DNAH14: variants seen among roughly 807,000 people sequenced by gnomAD.
DNAH14 encodes the protein dynein axonemal heavy chain 14, also known as axonemal beta dynein heavy chain 14.
In DNAH14, 478 loss-of-function variants were observed where a neutral mutation model predicts 520.9. The observed-to-expected ratio is 0.92, with a 90% confidence interval of 0.85 to 0.99. DNAH14 has a LOEUF of 0.99. DNAH14 is among the 50% of genes least tolerant of loss of function. The probability of loss-of-function intolerance (pLI) is 0.00; values close to 1 mark genes in which losing one functional copy is unlikely to be tolerated. For missense variants in DNAH14, 4,831 were observed against 5,234.5 expected (o/e 0.92, Z 2.38); for synonymous variants, 1,581 against 1,757.2 (o/e 0.90, Z 2.51).
intron 19 of DNAH14, 46 bp from the exon 20 acceptor site, chr1:225,082,503 A>T (rs1302797535): frequency 7.4e-7 from 1 of 1,345,830 alleles, no homozygotes; most frequent in Admixed American, 3.3e-5. Flanking sequence ...TGGTTAAAAA[A>T]TATAATGAAC....
At position 225,374,261 on chromosome 1, in the gene DNAH14, TATA is replaced by T. The variant is rs1484655685; in HGVS notation, c.12319-426_12319-424del. Among the ~76,000 whole-genome samples, 143 of 109,428 alleles carry T rather than the reference TATA, an allele frequency of 1.3e-3. 4 individuals carry two copies. The highest frequency in any genetic ancestry group is 5.5e-3 in the South Asian group (17 of 3,116). The allele number at this position is 109,428 out of a possible 152,430, so 71.8% of individuals were successfully genotyped here. A position where few individuals can be genotyped will look rare whatever the true frequency, so the allele number is the denominator to read the frequency against. On this transcript the variant is annotated intron_variant, in intron 77 of 85. Transcript: ENST00000682510. ...ATATATATTTGTCTATATATATATA[TATA>T]TATATATTTTTTTTTGAGATAGAGT...
At chr1:224,962,523 A>T (rs1426785975) in intron 4 of DNAH14, among the ~76,000 whole-genome samples, 2 of 152,144 alleles carry the variant, frequency 1.3e-5, no homozygotes, top group Admixed American at 1.3e-4. Context: ...GACCTCAGTC[A>T]TACAGCCATA....
intron 10 of DNAH14, among the ~76,000 whole-genome samples, chr1:225,007,996 A>C (rs1319351644): frequency 2.0e-5 from 3 of 151,020 alleles, no homozygotes; most frequent in Admixed American, 2.0e-4. Flanking sequence ...ACATGGGTAT[A>C]CATGTGCTAT....
At chr1:225,175,868 C>G (rs1187298799) in intron 36 of DNAH14, among the ~76,000 whole-genome samples, 2 of 151,990 alleles carry the variant, frequency 1.3e-5, no homozygotes, top group Non-Finnish European at 2.9e-5. Flanking sequence ...AAGCGATTCT[C>G]CTGCCTCAGC....
At chr1:225,194,210 G>A (rs1044987676) in intron 38 of DNAH14, among the ~76,000 whole-genome samples, 2 of 151,820 alleles carry the variant, frequency 1.3e-5, no homozygotes, top group Admixed American at 6.6e-5. Flanking sequence ...AAATTCTTAG[G>A]AAACAAAAAA....
chr1:224,964,506 ATAT>A lies in DNAH14; in HGVS notation c.401_403del (p.Ile134del), dbSNP rs2061035628. The A allele has an allele frequency of 1.9e-6, 3 of 1,609,576 alleles. No homozygotes were observed. Among genetic ancestry groups the A allele is most frequent in the Non-Finnish European group, 1.7e-6 (2 of 1,177,352 alleles). ...CCAAAAGATGATGATGTGATAAGAA[ATAT>A]TATTAGGCTACGAGAAAAGCTTGGT... On this transcript the variant is annotated inframe_deletion, in exon 5 of 86. Coordinates refer to ENST00000682510, the MANE Select transcript of DNAH14 (RefSeq NM_001367479.1).
intron 77 of DNAH14, among the ~76,000 whole-genome samples, chr1:225,369,070 C>A (rs2095586203): frequency 6.6e-6 from 1 of 151,268 alleles, no homozygotes. Context: ...TTATTTAAAT[C>A]AGAAAATGAA....
At chr1:224,939,566 C>G (rs1391075798) in intron 1 of DNAH14, among the ~76,000 whole-genome samples, 3 of 152,128 alleles carry the variant, frequency 2.0e-5, no homozygotes, top group Non-Finnish European at 4.4e-5. Flanking sequence ...CGCCTGTTGT[C>G]CCAGCTACTC....
At chr1:224,995,103 A>G (rs1327017027) in intron 8 of DNAH14, among the ~76,000 whole-genome samples, 1 of 152,134 alleles carries the variant, frequency 6.6e-6, no homozygotes, top group East Asian at 1.9e-4. Context: ...GTAGTCCTAC[A>G]GTATTCTGAA....
intron 20 of DNAH14, 28 bp from the exon 21 acceptor site, chr1:225,085,516 A>G: frequency 6.6e-7 from 1 of 1,516,580 alleles, no homozygotes; most frequent in South Asian, 1.2e-5. Context: ...GCTATACTGG[A>G]TACTAAAGAA....
At chr1:225,318,460 G>T (rs1482549610) in intron 60 of DNAH14, 123 bp from the exon 61 acceptor site, 4 of 824,656 alleles carry the variant, frequency 4.9e-6, no homozygotes, top group Non-Finnish European at 7.4e-6. Context: ...AGTCATAAAA[G>T]ATGCATAACT....
intron 44 of DNAH14, among the ~76,000 whole-genome samples, chr1:225,256,737 A>G (rs530683944): frequency 6.6e-6 from 1 of 152,202 alleles, no homozygotes; most frequent in Non-Finnish European, 1.5e-5. Flanking sequence ...TTAAACAAGT[A>G]AGAGAGTAAG....
intron 4 of DNAH14, among the ~76,000 whole-genome samples, chr1:224,963,168 G>C (rs1043696161): frequency 6.6e-6 from 1 of 151,812 alleles, no homozygotes; most frequent in South Asian, 2.1e-4. Context: ...GAAATATTTG[G>C]TATAGTAATA....
In DNAH14 at chr1:225,143,683, T is replaced by A. The variant is rs183145830; in HGVS notation, c.4509-714T>A. Among the ~76,000 whole-genome samples the A allele has an allele frequency of 4.5e-3, 684 of 152,286 alleles. 9 individuals carry two copies. Among genetic ancestry groups the A allele is most frequent in the Non-Finnish European group, 4.9e-3 (332 of 68,024 alleles). On this transcript the variant is annotated intron_variant, in intron 28 of 85. Transcript: ENST00000682510. Reference sequence around the variant, plus strand: ...AAACAGCACTAAACAATTAAAAATGTGTAGGAATGAGTTTTTGCTTGACAA... The same window carrying A: ...AAACAGCACTAAACAATTAAAAATGAGTAGGAATGAGTTTTTGCTTGACAA...
chr1:225,153,031 C>T, intron 33 of DNAH14, 148 bp downstream of exon 33: 1 of 866,438 alleles, frequency 1.2e-6, no homozygotes, highest in South Asian at 2.1e-5. Flanking sequence ...GCTAGAATTT[C>T]CATCAACATA....
At chr1:225,151,959 G>A (rs2080542322) in intron 31 of DNAH14, 46 bp from the exon 32 acceptor site, 1 of 1,457,286 alleles carries the variant, frequency 6.9e-7, no homozygotes. Flanking sequence ...ACATGCTTTG[G>A]ACTAGAGAAA....
intron 8 of DNAH14, among the ~76,000 whole-genome samples, chr1:224,980,996 A>G (rs1218499140): frequency 6.6e-6 from 1 of 152,276 alleles, no homozygotes; most frequent in Admixed American, 6.5e-5. Context: ...TAATTAAAAA[A>G]TAAAATAAAT....
intron 68 of DNAH14, 96 bp downstream of exon 68, chr1:225,338,278 G>T (rs913516684): frequency 7.3e-7 from 1 of 1,375,200 alleles, no homozygotes. Context: ...GCTTCTACAT[G>T]GAGGAAAAAG....
At chr1:225,367,644 A>G (rs1407499894) in intron 76 of DNAH14, among the ~76,000 whole-genome samples, 161 bp from the exon 77 acceptor site, 1 of 152,256 alleles carries the variant, frequency 6.6e-6, no homozygotes. Context: ...ACGTTTTTAC[A>G]TGGCAAAAGA....
Sources: gnomAD v4.1 joint callset for allele counts (sites outside exome capture counted in the v4.1 genomes callset) on GRCh38, gnomAD v4.1.1 for gene constraint, MANE v1.5 for transcripts, NCBI Gene and HGNC (gene_info 2026-07-23, HGNC 2026-07-21) for gene names.